The following TMC8 variants were observed in gnomAD, a reference collection of about 807,000 sequenced individuals.
TMC8 encodes transmembrane channel like 8.
In TMC8, 71 loss-of-function variants were observed where a neutral mutation model predicts 76.0. The observed-to-expected ratio is 0.93, with a 90% CI of 0.77 to 1.14. The LOEUF (loss-of-function observed/expected upper bound fraction) is 1.14, where lower values mean the gene tolerates loss of function less well. Among genes scored for constraint, TMC8 ranks in the 50% most tolerant of loss-of-function variants. The pLI is 0.00. For synonymous variants in TMC8, 433 were observed against 433.8 expected (o/e 1.00, Z 0.02); for missense variants, 924 against 947.9 (o/e 0.97, Z 0.33).
At chr17:78,132,269 C>A (rs1236531860) in intron 3 of TMC8, 90 bp from the exon 4 acceptor site, 4 of 1,524,276 alleles carry the variant, frequency 2.6e-6, no homozygotes, top group Non-Finnish European at 3.6e-6. Flanking sequence ...GCGGGCACCC[C>A]ACGCCGTCCG....
chr17:78,138,634 C>T lies in TMC8; in HGVS notation c.1725C>T (p.Val575=), dbSNP rs141186150. ...ACTACTCAGCACCCTGGCAAGTGGTCCCGGAGCTGGTGGCCCTTGGGCTCC... is the reference window on the plus strand; with the variant it reads ...ACTACTCAGCACCCTGGCAAGTGGTTCCGGAGCTGGTGGCCCTTGGGCTCC... The part of the protein sequence containing the change: ...FTNYSAPWQV[V]PELVALGLPP... The change falls in exon 14 of 16, where the codon GTC becomes GTT. Residue 575 remains valine, a synonymous_variant. Coordinates refer to ENST00000318430, the MANE Select transcript of TMC8 (RefSeq NM_152468.5). 1.5e-3 allele frequency: 2,410 copies of T among 1,613,978 alleles called. 6 individuals carry two copies. The highest frequency in any genetic ancestry group is 1.7e-3 in the Non-Finnish European group (2,031 of 1,180,036).
At position 78,130,780 on chromosome 17, in the gene TMC8, C is replaced by T. The variant is rs1295681967; in HGVS notation, c.-380C>T. 1.3e-5 allele frequency: 2 copies of T among 152,362 alleles called. No homozygotes were observed. The highest frequency in any genetic ancestry group is 2.4e-5 in the African/African-American group (1 of 41,438). The allele number at this position is 152,362 out of a possible 1,614,324, so 9.4% of individuals were successfully genotyped here. On this transcript the variant is annotated 5_prime_UTR_variant, in exon 1 of 16. Transcript: ENST00000318430. ...ATGACCCCTCCTCTGGGCTCCCTCA[C>T]CACCCTGCCTGGCTTGGCAGGAGTC... is the stretch of plus-strand genomic sequence containing the variant.
Position 78,137,320 on chromosome 17 carries a change from A to G in TMC8, c.1213A>G (p.Ser405Gly). The change falls in exon 10 of 16, where the codon AGC becomes GGC. Residue 405 changes from serine to glycine, a missense_variant. Physicochemically the swap from Ser to Gly is moderately conservative, Grantham distance 56 (BLOSUM62 0). Coordinates refer to ENST00000318430, the MANE Select transcript of TMC8 (RefSeq NM_152468.5). The part of the protein sequence containing the change: ...TILCIGRDKS[S>G]CESYGYNVCD... ...ACTGTGCATTGGCAGAGACAAGAGC[A>G]GCTGTGAGTCCTACGGCTACAACGT... The G allele has an allele frequency of 5.6e-6, 9 of 1,614,040 alleles. No individual in the cohort carries two copies. The highest frequency in any genetic ancestry group is 7.6e-6 in the Non-Finnish European group (9 of 1,180,030).
At position 78,135,001 on chromosome 17, in the gene TMC8, T is replaced by G. The variant is rs1298729240; in HGVS notation, c.1119T>G (p.Thr373=). The G allele has an allele frequency of 3.1e-6, 5 of 1,613,866 alleles. No individual in the cohort carries two copies. The Admixed American group carries it at 8.3e-5, about 27-fold the overall frequency. Reference sequence around the variant, plus strand: ...CTCCCAACACGGAGGTCAACCTCACTCTGATCTGGTGAGTGCCACCCTTGG... The same window carrying G: ...CTCCCAACACGGAGGTCAACCTCACGCTGATCTGGTGAGTGCCACCCTTGG... ...NYPPNTEVNL[T]LIWCVVLKLA... is the part of the protein sequence containing the mutation. The change falls in exon 9 of 16, where the codon ACT becomes ACG. Residue 373 remains threonine (T), a synonymous_variant. Transcript: ENST00000318430.
In TMC8 at chr17:78,134,031, C is replaced by G. The variant is rs576923572; in HGVS notation, c.816+31C>G. 1.7e-5 allele frequency: 28 copies of G among 1,613,496 alleles called. 1 individual carries two copies. In the South Asian group the frequency reaches 3.0e-4, roughly 17 times the overall value. ...TGCACGAGTGAGTGCCTGAGATCCA[C>G]AAGCTCCAGGTATATGGGAGCGAGT... is the stretch of plus-strand genomic sequence containing the variant. On this transcript the variant is annotated intron_variant, in intron 7 of 15. Transcript: ENST00000318430.
In TMC8 at chr17:78,141,157, C is replaced by A. The variant is rs768027984; in HGVS notation, c.*45C>A. On this transcript the variant is annotated 3_prime_UTR_variant, in exon 16 of 16. Coordinates refer to ENST00000318430, the MANE Select transcript of TMC8 (RefSeq NM_152468.5). ...GAAGCCTCCCTGGGGCCCCTTCAGG[C>A]CTCCTTACTCCATCTTCCAGACCCC... is the stretch of plus-strand genomic sequence containing the variant. The A allele has an allele frequency of 1.4e-5, 21 of 1,476,954 alleles. No individual in the cohort carries two copies. In the African/African-American group the frequency reaches 2.8e-4, roughly 19 times the overall value. 91.5% of individuals were successfully genotyped at this position (1,476,954 alleles called of 1,614,324 possible). A position where few individuals can be genotyped will look rare whatever the true frequency, so the allele number is the denominator to read the frequency against.
At position 78,131,397 on chromosome 17, in the gene TMC8, C is replaced by G; in HGVS notation, c.-192C>G. 1 of 737,828 alleles carries G rather than the reference C, an allele frequency of 1.4e-6. No homozygotes were observed. The highest frequency in any genetic ancestry group is 2.7e-5 in the Admixed American group (1 of 37,054). 45.7% of individuals were successfully genotyped at this position (737,828 alleles called of 1,614,324 possible). A position where few individuals can be genotyped will look rare whatever the true frequency, so the allele number is the denominator to read the frequency against. On this transcript the variant is annotated 5_prime_UTR_variant, in exon 2 of 16. Transcript: ENST00000318430. Reference sequence around the variant, plus strand: ...CTGAGCCCCGGAGGTGGCAGAGCGGCAGACCCGGGCAAGTGAACCCTAGGG... The same window carrying G: ...CTGAGCCCCGGAGGTGGCAGAGCGGGAGACCCGGGCAAGTGAACCCTAGGG...
In TMC8 at chr17:78,138,405, C is replaced by T. The variant is rs2075291572; in HGVS notation, c.1590C>T (p.Ser530=). The T allele has an allele frequency of 4.3e-6, 7 of 1,612,680 alleles. No homozygotes were observed. The highest frequency in any genetic ancestry group is 1.1e-5 in the South Asian group (1 of 91,088). The change falls in exon 13 of 16, where the codon TCC becomes TCT. Residue 530 remains serine (S), a synonymous_variant. Coordinates refer to ENST00000318430, the MANE Select transcript of TMC8 (RefSeq NM_152468.5). ...ASSRPFRASS[S]TFFFQLVLLL... ...CGCGGCCCTTCCGTGCCTCCAGCTCCACCTTCTTCTTCCAGCTAGTGCTCC... is the reference window on the plus strand; with the variant it reads ...CGCGGCCCTTCCGTGCCTCCAGCTCTACCTTCTTCTTCCAGCTAGTGCTCC...
chr17:78,136,827 C>G (rs2075245104), intron 9 of TMC8: 1 of 336,988 alleles, frequency 3.0e-6, no homozygotes, highest in Non-Finnish European at 5.8e-6. Context: ...TTTGGGAGGC[C>G]AAGGCGGGTG....
intron 1 of TMC8, chr17:78,131,066 T>A (rs1011502937): frequency 2.6e-5 from 5 of 190,630 alleles, no homozygotes; most frequent in African/African-American, 1.2e-4. Context: ...CAGAGTCAGA[T>A]GTGGCAGATG....
Position 78,141,074 on chromosome 17 carries a change from G to T in TMC8, c.2143G>T (p.Ala715Ser). 2 of 1,587,942 alleles carry T rather than the reference G, an allele frequency of 1.3e-6. No homozygotes were observed. The highest frequency in any genetic ancestry group is 8.5e-7 in the Non-Finnish European group (1 of 1,170,370). Residue 715 changes from alanine (A) to serine (S), a missense_variant, in exon 16 of 16, where the codon GCC becomes TCC. By Grantham distance (99) the Ala-to-Ser change is moderately conservative. Coordinates refer to ENST00000318430, the MANE Select transcript of TMC8 (RefSeq NM_152468.5). ...CPGQHGAPAS[A>S]RRFRFPSGAE... ...TGGACAGCACGGTGCCCCGGCCTCC[G>T]CCCGCAGATTCCGCTTCCCCAGCGG...
chr17:78,137,597 A>C, intron 10 of TMC8, 120 bp from the exon 11 acceptor site: 1 of 1,152,646 alleles, frequency 8.7e-7, no homozygotes. Context: ...GTTTCAACCT[A>C]ACGATTCTAT....
At chr17:78,133,325 G>T (rs548261880) in intron 5 of TMC8, 81 bp from the exon 6 acceptor site, 2 of 1,606,858 alleles carry the variant, frequency 1.2e-6, no homozygotes, top group East Asian at 2.2e-5. Context: ...ATTGCACGGG[G>T]GCTAACAAGA....
chr17:78,133,817 C>T (rs2075123451), intron 6 of TMC8, 36 bp from the exon 7 acceptor site: 3 of 1,612,208 alleles, frequency 1.9e-6, no homozygotes, highest in Non-Finnish European at 2.5e-6. Context: ...GTAGAGGTGC[C>T]CCTCCTCCAG....
intron 15 of TMC8, among the ~76,000 whole-genome samples, chr17:78,140,568 G>A (rs2075348692): frequency 6.6e-6 from 1 of 151,924 alleles, no homozygotes; most frequent in African/African-American, 2.4e-5. Flanking sequence ...GGTCTCGGGC[G>A]GGGACGTGGA....
chr17:78,132,625 G>C, intron 4 of TMC8, 117 bp downstream of exon 4: 7 of 1,508,202 alleles, frequency 4.6e-6, no homozygotes, highest in South Asian at 1.2e-5. Context: ...TGCAGGCCCC[G>C]GGGCTCTCTC....
chr17:78,138,391 C>T lies in TMC8; in HGVS notation c.1576C>T (p.Arg526Cys), dbSNP rs199993214. ...KNSRASSRPF[R>C]ASSSTFFFQL... ...CTCCAGGGCATCTTCGCGGCCCTTC[C>T]GTGCCTCCAGCTCCACCTTCTTCTT... is the stretch of plus-strand genomic sequence containing the variant. Residue 526 changes from arginine to cysteine, a missense_variant, in exon 13 of 16, where the codon CGT becomes TGT. Coordinates refer to ENST00000318430, the MANE Select transcript of TMC8 (RefSeq NM_152468.5). 6.9e-5 allele frequency: 112 copies of T among 1,612,140 alleles called. 1 individual carries two copies. Among genetic ancestry groups the T allele is most frequent in the Non-Finnish European group, 3.8e-5 (45 of 1,180,000 alleles).
Position 78,137,749 on chromosome 17 carries a change from C to G in TMC8, c.1284C>G (p.Tyr428Ter). The change falls in exon 11 of 16, where the codon TAC becomes TAG. Residue 428 changes from tyrosine to a stop codon, truncating the protein, a stop_gained. Coordinates refer to ENST00000318430, the MANE Select transcript of TMC8 (RefSeq NM_152468.5). LOFTEE classifies it high-confidence loss of function. Reference protein sequence around the residue: ...CWENSVGEELYKLSIFNFLLT... With the variant: ...CWENSVGEEL Reference sequence around the variant, plus strand: ...AGAACTCCGTGGGGGAGGAGCTGTACAAGCTGAGTATCTTCAACTTCCTCC... The same window carrying G: ...AGAACTCCGTGGGGGAGGAGCTGTAGAAGCTGAGTATCTTCAACTTCCTCC... 1 of 1,613,640 alleles carries G rather than the reference C, an allele frequency of 6.2e-7. No individual in the cohort carries two copies. Among genetic ancestry groups the G allele is most frequent in the Non-Finnish European group, 8.5e-7 (1 of 1,180,020 alleles).
At chr17:78,133,264 C>T (rs375724335) in intron 5 of TMC8, 142 bp from the exon 6 acceptor site, 56 of 1,379,082 alleles carry the variant, frequency 4.1e-5, no homozygotes, top group Middle Eastern at 3.6e-4. Context: ...GGCACGTTGC[C>T]GAACCTCTGT....
Sources: allele counts gnomAD v4.1 joint callset (sites outside exome capture counted in the v4.1 genomes callset), GRCh38; gene constraint gnomAD v4.1.1; transcripts MANE v1.5; gene names NCBI Gene and HGNC (gene_info 2026-07-23, HGNC 2026-07-21).